TAFA2: variants seen among roughly 807,000 people sequenced by gnomAD.
The protein encoded by TAFA2 is TAFA chemokine like family member 2, also known as chemokine-like protein TAFA-2.
Under a neutral mutation model 18.8 loss-of-function variants are expected in TAFA2, and 7 were observed. The observed-to-expected ratio is 0.37, with a 90% CI of 0.21 to 0.70. TAFA2 has a LOEUF of 0.70. TAFA2 is among the 30% of genes least tolerant of loss of function. TAFA2 has a pLI of 0.53. For synonymous variants in TAFA2, 60 were observed against 54.2 expected (o/e 1.11, Z -0.47); for missense variants, 122 against 158.1 (o/e 0.77, Z 1.23).
intron 1 of TAFA2, among the ~76,000 whole-genome samples, chr12:61,949,280 C>T (rs766323499): frequency 2.0e-5 from 3 of 152,192 alleles, no homozygotes; most frequent in East Asian, 1.9e-4. Context: ...CAGACTCCAA[C>T]GGAAACATCA....
intron 1 of TAFA2, among the ~76,000 whole-genome samples, chr12:61,868,957 T>C (rs1874473966): frequency 6.6e-6 from 1 of 152,202 alleles, no homozygotes; most frequent in Non-Finnish European, 1.5e-5. Flanking sequence ...TGTCTTCTAC[T>C]GTAGCATAGG....
chr12:61,890,491 C>T (rs958622416), intron 1 of TAFA2: 3 of 152,228 alleles, frequency 2.0e-5, no homozygotes, highest in East Asian at 1.9e-4. Context: ...GAATGTTACA[C>T]CTCACTGGGA....
chr12:62,047,898 G>C (rs1881951492), intron 1 of TAFA2, among the ~76,000 whole-genome samples: 1 of 152,122 alleles, frequency 6.6e-6, no homozygotes, highest in Non-Finnish European at 1.5e-5. Flanking sequence ...ACAAGTTCTA[G>C]ATGTGTAGGT....
chr12:61,959,487 T>A (rs1171844057), intron 1 of TAFA2, among the ~76,000 whole-genome samples: 10 of 152,116 alleles, frequency 6.6e-5, no homozygotes, highest in Non-Finnish European at 1.5e-4. Flanking sequence ...TGATTCCTTT[T>A]GTTATGTAGT....
chr12:61,880,313 C>G, intron 1 of TAFA2: 1 of 482,538 alleles, frequency 2.1e-6, no homozygotes. Context: ...GAGGGCTTCC[C>G]TGGAGGCCAC....
intron 2 of TAFA2, among the ~76,000 whole-genome samples, chr12:61,768,714 C>T (rs1869895992): frequency 6.6e-6 from 1 of 152,070 alleles, no homozygotes; most frequent in African/African-American, 2.4e-5. Context: ...GATTTTGTCT[C>T]ACAGGGGTCC....
intron 1 of TAFA2, among the ~76,000 whole-genome samples, chr12:61,912,930 T>G (rs573524137): frequency 1.3e-5 from 2 of 152,296 alleles, no homozygotes; most frequent in East Asian, 3.9e-4. Flanking sequence ...GTCTGGGTCA[T>G]AGAGTTAAAA....
intron 1 of TAFA2, among the ~76,000 whole-genome samples, chr12:62,162,317 G>T (rs763044659): frequency 6.6e-6 from 1 of 152,134 alleles, no homozygotes; most frequent in Non-Finnish European, 1.5e-5. Flanking sequence ...TAACACTGAT[G>T]GTAGCTCTAA....
At chr12:62,015,923 A>G (rs914087250) in intron 1 of TAFA2, among the ~76,000 whole-genome samples, 1 of 152,014 alleles carries the variant, frequency 6.6e-6, no homozygotes, top group Non-Finnish European at 1.5e-5. Flanking sequence ...TTTAATGGGT[A>G]TAGAATTCTA....
intron 1 of TAFA2, among the ~76,000 whole-genome samples, chr12:61,928,409 G>A (rs971140629): frequency 2.7e-5 from 4 of 150,916 alleles, no homozygotes; most frequent in East Asian, 3.9e-4. Context: ...AAAAATGTAT[G>A]ATAAAGAGCT....
At chr12:62,107,097 A>G (rs1398333672) in intron 1 of TAFA2, among the ~76,000 whole-genome samples, 3 of 152,196 alleles carry the variant, frequency 2.0e-5, no homozygotes, top group Non-Finnish European at 2.9e-5. Context: ...CCTCCCAGTA[A>G]TGAAAGTAAT....
chr12:62,151,428 G>A (rs1317037534), intron 1 of TAFA2, among the ~76,000 whole-genome samples: 1 of 152,226 alleles, frequency 6.6e-6, no homozygotes, highest in Non-Finnish European at 1.5e-5. Flanking sequence ...AACTTAAAAT[G>A]TGTTCTCTAT....
intron 1 of TAFA2, among the ~76,000 whole-genome samples, chr12:62,106,446 C>T (rs927570953): frequency 2.6e-5 from 4 of 152,080 alleles, no homozygotes; most frequent in African/African-American, 7.2e-5. Flanking sequence ...TAAATTCAGA[C>T]GTTATCCAAA....
At chr12:61,950,350 C>T (rs1391385296) in intron 1 of TAFA2, among the ~76,000 whole-genome samples, 3 of 151,090 alleles carry the variant, frequency 2.0e-5, no homozygotes, top group African/African-American at 7.3e-5. Context: ...TACTATTTTC[C>T]GTAGCTGCTG....
intron 1 of TAFA2, among the ~76,000 whole-genome samples, chr12:62,066,994 A>G (rs563657991): frequency 6.6e-6 from 1 of 152,112 alleles, no homozygotes; most frequent in African/African-American, 2.4e-5. Flanking sequence ...TGTCTTTTGG[A>G]TAAAAGCCAT....
At chr12:62,103,891 C>G (rs1438063899) in intron 1 of TAFA2, among the ~76,000 whole-genome samples, 1 of 152,094 alleles carries the variant, frequency 6.6e-6, no homozygotes, top group Non-Finnish European at 1.5e-5. Context: ...GAGACAAAAG[C>G]AGGAAAACTG....
chr12:61,719,170 A>G (rs549246054), intron 4 of TAFA2, among the ~76,000 whole-genome samples: 1 of 152,290 alleles, frequency 6.6e-6, no homozygotes, highest in East Asian at 1.9e-4. Flanking sequence ...AAGCCAAGCT[A>G]ACTTTGGAAG....
At chr12:61,980,202 C>A (rs1592527968) in intron 1 of TAFA2, among the ~76,000 whole-genome samples, 2 of 152,054 alleles carry the variant, frequency 1.3e-5, no homozygotes, top group Admixed American at 1.3e-4. Flanking sequence ...ACGACAAAAA[C>A]CACATGATTA....
In TAFA2 at chr12:61,879,739, G is replaced by A. The variant is rs879112314; in HGVS notation, c.-1-12313C>T. 15 of 1,223,204 alleles carry A rather than the reference G, an allele frequency of 1.2e-5. No homozygotes were observed. In the South Asian group the frequency reaches 1.4e-4, roughly 12 times the overall value. 75.8% of individuals were successfully genotyped at this position (1,223,204 alleles called of 1,614,324 possible). A position where few individuals can be genotyped will look rare whatever the true frequency, so the allele number is the denominator to read the frequency against. On this transcript the variant is annotated intron_variant, in intron 1 of 4. Coordinates refer to ENST00000416284, the MANE Select transcript of TAFA2 (RefSeq NM_178539.5). The stretch of plus-strand genomic sequence containing the variant: ...TGGCTCAGAGCAACATGGACAACAT[G>A]TTCCAGAGCTACATCAACAACCTTA...
Sources: allele counts gnomAD v4.1 joint callset (sites outside exome capture counted in the v4.1 genomes callset), GRCh38; gene constraint gnomAD v4.1.1; transcripts MANE v1.5; gene names NCBI Gene and HGNC (gene_info 2026-07-23, HGNC 2026-07-21).